The following LDLRAP1 variants were observed in gnomAD, a reference collection of about 807,000 sequenced individuals.
LDLRAP1 encodes the protein low density lipoprotein receptor adaptor protein 1.
LDLRAP1 carries 30 observed loss-of-function variants against 37.8 expected under a neutral mutation model. That is an observed-to-expected ratio of 0.79 (90% CI 0.59 to 1.08). The LOEUF is 1.08. Ranked by LOEUF, LDLRAP1 falls within the 50% of genes least tolerant of loss-of-function variation. The probability of loss-of-function intolerance (pLI) is 0.00; values close to 1 mark genes in which losing one functional copy is unlikely to be tolerated. For missense variants in LDLRAP1, 375 were observed against 401.6 expected, an observed-to-expected ratio of 0.93 and a Z score of 0.57; for synonymous variants, 156 against 169.8, an observed-to-expected ratio of 0.92 and a Z score of 0.63.
In LDLRAP1 at chr1:25,567,449, C is replaced by T; in HGVS notation, c.*457C>T. 6.4e-6 allele frequency: 2 copies of T among 310,650 alleles called. 1 individual carries two copies. Among genetic ancestry groups the T allele is most frequent in the South Asian group, 5.4e-5 (2 of 37,278 alleles). 19.2% of individuals were successfully genotyped at this position (310,650 alleles called of 1,614,324 possible). A position where few individuals can be genotyped will look rare whatever the true frequency, so the allele number is the denominator to read the frequency against. On this transcript the variant is annotated 3_prime_UTR_variant, in exon 9 of 9. Coordinates refer to ENST00000374338, the MANE Select transcript of LDLRAP1 (RefSeq NM_015627.3). ...TGGATTTCAGTGATTTTTCCCCCCA[C>T]CCCCCAGCACAGGAGAGCACCCACA... is the stretch of plus-strand genomic sequence containing the variant.
At chr1:25,551,854 A>G (rs1390361018) in intron 1 of LDLRAP1, among the ~76,000 whole-genome samples, 1 of 151,904 alleles carries the variant, frequency 6.6e-6, no homozygotes, top group East Asian at 1.9e-4. Context: ...TGTCCTCGTC[A>G]TTTCTTCCTT....
intron 1 of LDLRAP1, among the ~76,000 whole-genome samples, chr1:25,546,876 T>C (rs1363199331): frequency 2.0e-5 from 3 of 152,224 alleles, no homozygotes; most frequent in African/African-American, 7.2e-5. Flanking sequence ...TAGTATATTT[T>C]ATGTGTGGCC....
Position 25,544,949 on chromosome 1 carries a change from C to T in LDLRAP1, c.88+1163C>T, listed in dbSNP as rs2043897563. On this transcript the variant is annotated intron_variant, in intron 1 of 8. Transcript: ENST00000374338. This position sits in a 1 kb window ranked among gnomAD's most constrained non-coding sequence, Gnocchi z 4.8. ...AGCGTGTCTGGGCCTAGAGGGCCCG[C>T]CTCCCTCCTCCTCTGGCCCCACTCT... Among the ~76,000 whole-genome samples, 1 of 152,222 alleles carries T rather than the reference C, an allele frequency of 6.6e-6. No homozygotes were observed. Among genetic ancestry groups the T allele is most frequent in the African/African-American group, 2.4e-5 (1 of 41,462 alleles).
chr1:25,577,520 T>G, the LDLRAP1 span, among the ~76,000 whole-genome samples: 3 of 151,846 alleles, frequency 2.0e-5, no homozygotes, highest in Non-Finnish European at 2.9e-5. Flanking sequence ...GGAGGCAGAG[T>G]CACATGCCAG....
intron 1 of LDLRAP1, chr1:25,553,566 A>G: frequency 3.1e-6 from 1 of 318,720 alleles, no homozygotes. Flanking sequence ...TAAAAGTGAC[A>G]GCAGACCCAG....
Position 25,557,925 on chromosome 1 carries a change from C to A in LDLRAP1, c.459+658C>A, listed in dbSNP as rs375962030. Among the ~76,000 whole-genome samples the A allele has an allele frequency of 4.6e-5, 7 of 151,906 alleles. No homozygotes were observed. In the South Asian group the frequency reaches 6.2e-4, roughly 14 times the overall value. ...AAGTTTTAATGAGGAAACAGACTCC[C>A]AGAGGCCAGCTATCTTGCTGTCAGG... On this transcript the variant is annotated intron_variant, in intron 4 of 8. Transcript: ENST00000374338.
the LDLRAP1 span, among the ~76,000 whole-genome samples, chr1:25,586,969 C>G: frequency 6.6e-6 from 1 of 152,098 alleles, no homozygotes; most frequent in African/African-American, 2.4e-5. This position sits in a 1 kb window ranked among gnomAD's most constrained non-coding sequence, Gnocchi z 4.3. Context: ...AGGATGGATC[C>G]TCAATCTGGT....
downstream of LDLRAP1, among the ~76,000 whole-genome samples, chr1:25,571,846 C>T (rs1453359585): frequency 6.6e-6 from 1 of 152,194 alleles, no homozygotes; most frequent in Non-Finnish European, 1.5e-5. Flanking sequence ...GTCATGAATC[C>T]TTGTTGCCAG....
At chr1:25,589,704 T>C in the LDLRAP1 span, among the ~76,000 whole-genome samples, 1 of 152,214 alleles carries the variant, frequency 6.6e-6, no homozygotes, top group Non-Finnish European at 1.5e-5. Context: ...GGTCTTCAGA[T>C]TTGGGCTGAA....
intron 4 of LDLRAP1, among the ~76,000 whole-genome samples, chr1:25,560,537 G>T (rs906921696): frequency 1.3e-5 from 2 of 152,218 alleles, no homozygotes; most frequent in Non-Finnish European, 2.9e-5. Flanking sequence ...CTGGGCCTGG[G>T]CTGATGGTAA....
the LDLRAP1 span, among the ~76,000 whole-genome samples, chr1:25,583,956 T>C: frequency 6.6e-6 from 1 of 152,212 alleles, no homozygotes; most frequent in Non-Finnish European, 1.5e-5. Flanking sequence ...TTGTAGCACA[T>C]GCCAGTGCTT....
the LDLRAP1 span, among the ~76,000 whole-genome samples, chr1:25,578,512 C>CT: frequency 3.0e-4 from 44 of 147,190 alleles, no homozygotes; most frequent in Admixed American, 1.2e-3. Flanking sequence ...GATCGTTTGT[C>CT]TTTTTTTTTT....
chr1:25,580,172 G>A, the LDLRAP1 span, among the ~76,000 whole-genome samples: 9 of 152,152 alleles, frequency 5.9e-5, no homozygotes, highest in African/African-American at 2.2e-4. Context: ...ATTCAGGGTA[G>A]GCTCCTGGTG....
At chr1:25,587,709 C>T in the LDLRAP1 span, among the ~76,000 whole-genome samples, 39 of 152,162 alleles carry the variant, frequency 2.6e-4, no homozygotes, top group African/African-American at 8.0e-4. Flanking sequence ...ATGGCCAACC[C>T]GAGAAGAGAA....
At chr1:25,570,720 G>A (rs560939719), downstream of LDLRAP1, among the ~76,000 whole-genome samples, 489 of 152,156 alleles carry the variant, frequency 3.2e-3, 6 homozygotes, top group Non-Finnish European at 3.6e-3. Context: ...TTAGCCAGGC[G>A]TGGTGGCGGG....
chr1:25,565,905 A>G (rs2044466577), intron 8 of LDLRAP1, among the ~76,000 whole-genome samples: 1 of 152,068 alleles, frequency 6.6e-6, no homozygotes, highest in African/African-American at 2.4e-5. Flanking sequence ...GGAGTCAGCG[A>G]TTTTTGGTCC....
At chr1:25,559,363 G>A (rs1241593524) in intron 4 of LDLRAP1, among the ~76,000 whole-genome samples, 1 of 152,134 alleles carries the variant, frequency 6.6e-6, no homozygotes, top group Non-Finnish European at 1.5e-5. Context: ...GCTCTTACAA[G>A]GGAGACCTGG....
At position 25,551,266 on chromosome 1, in the gene LDLRAP1, G is replaced by A. The variant is rs142073259; in HGVS notation, c.89-2656G>A. On this transcript the variant is annotated intron_variant, in intron 1 of 8. Coordinates refer to ENST00000374338, the MANE Select transcript of LDLRAP1 (RefSeq NM_015627.3). Reference sequence around the variant, plus strand: ...TGGCCTGGGTATCCTAGCCTGCAGAGGGGAAGCCTTAGGTATTAGGAATAC... The same window carrying A: ...TGGCCTGGGTATCCTAGCCTGCAGAAGGGAAGCCTTAGGTATTAGGAATAC... 8.5e-4 allele frequency among the ~76,000 whole-genome samples: 129 copies of A among 152,266 alleles called. 1 individual carries two copies. In the East Asian group the frequency reaches 0.025, roughly 29 times the overall value.
chr1:25,551,985 C>T (rs996075800), intron 1 of LDLRAP1, among the ~76,000 whole-genome samples: 2 of 152,134 alleles, frequency 1.3e-5, no homozygotes, highest in Non-Finnish European at 2.9e-5. Flanking sequence ...TATAACCCTC[C>T]CCAGCCCTGA....
Sources: allele counts gnomAD v4.1 joint callset (sites outside exome capture counted in the v4.1 genomes callset), GRCh38; gene constraint gnomAD v4.1.1; non-coding constraint Gnocchi (gnomAD v3.1); transcripts MANE v1.5; gene names NCBI Gene and HGNC (gene_info 2026-07-23, HGNC 2026-07-21).